USP35: variants seen among roughly 807,000 people sequenced by gnomAD.
The protein encoded by USP35 is ubiquitin specific peptidase 35, also known as ubiquitin carboxyl-terminal hydrolase 35.
In USP35, 69 loss-of-function variants were observed where a neutral mutation model predicts 83.8. The observed-to-expected ratio is 0.82, with a 90% CI of 0.68 to 1.01. The LOEUF (loss-of-function observed/expected upper bound fraction) is 1.01, where lower values mean the gene tolerates loss of function less well. Among genes scored for constraint, USP35 ranks in the 50% least tolerant of loss-of-function variants. The pLI is 0.00. For synonymous variants in USP35, 714 were observed against 589.5 expected (o/e 1.21, Z -3.06); for missense variants, 1,503 against 1,362.5 (o/e 1.10, Z -1.62).
chr11:78,200,112 T>C (rs1565396580), intron 4 of USP35, 21 bp from the exon 5 acceptor site: 9 of 1,614,034 alleles, frequency 5.6e-6, no homozygotes, highest in Non-Finnish European at 7.6e-6. Flanking sequence ...TGGGGACTCC[T>C]GACCAGGGAC....
intron 6 of USP35, among the ~76,000 whole-genome samples, chr11:78,202,193 A>C (rs770855115): frequency 6.6e-6 from 1 of 152,202 alleles, no homozygotes; most frequent in Non-Finnish European, 1.5e-5. Context: ...GTTGGTAGGG[A>C]CAGGAGGTCA....
intron 1 of USP35, among the ~76,000 whole-genome samples, chr11:78,189,390 A>G (rs1862932174): frequency 6.6e-6 from 1 of 152,146 alleles, no homozygotes; most frequent in African/African-American, 2.4e-5. Flanking sequence ...CCTTTCAGGT[A>G]AGAGGGCATT....
At position 78,210,145 on chromosome 11, in the gene USP35, C is replaced by G. The variant is rs375971115; in HGVS notation, c.2290C>G (p.Leu764Val). The G allele has an allele frequency of 2.5e-6, 4 of 1,613,522 alleles. No homozygotes were observed. The highest frequency in any genetic ancestry group is 1.3e-5 in the African/African-American group (1 of 74,910). ...TGAGGGCTCCCGCTCCGTCCTGGAC[C>G]TGGTTAACTACTTCCTGTCCCCCGA... ...GSEGSRSVLD[L>V]VNYFLSPEKL... Residue 764 changes from leucine to valine, a missense_variant, in exon 10 of 11, where the codon CTG becomes GTG. Physicochemically the swap from Leu to Val is conservative, Grantham distance 32. Transcript: ENST00000529308.
At chr11:78,224,267 C>T in the USP35 span, among the ~76,000 whole-genome samples, 1 of 152,138 alleles carries the variant, frequency 6.6e-6, no homozygotes, top group African/African-American at 2.4e-5. Flanking sequence ...CTGTGGGTGG[C>T]ATAGTCCATA....
the USP35 span, among the ~76,000 whole-genome samples, chr11:78,234,108 T>A: frequency 6.6e-6 from 1 of 152,086 alleles, no homozygotes; most frequent in East Asian, 1.9e-4. Flanking sequence ...AAATACAGGG[T>A]CTTATTCTGT....
chr11:78,202,631 C>T (rs564736717), intron 6 of USP35, among the ~76,000 whole-genome samples: 3 of 152,192 alleles, frequency 2.0e-5, no homozygotes, highest in South Asian at 2.1e-4. Context: ...ACAAAACTTC[C>T]GTTATTTACT....
the USP35 span, chr11:78,223,740 A>G: frequency 7.3e-7 from 1 of 1,375,278 alleles, no homozygotes; most frequent in South Asian, 1.4e-5. Context: ...GAAGGGGGTA[A>G]GACTTTGTAA....
chr11:78,195,938 G>A (rs1863128928), intron 1 of USP35, among the ~76,000 whole-genome samples: 1 of 152,162 alleles, frequency 6.6e-6, no homozygotes, highest in African/African-American at 2.4e-5. Context: ...CTGTTGCTCA[G>A]GCTGGTCTTG....
the USP35 span, chr11:78,221,744 C>T: frequency 1.3e-5 from 21 of 1,613,412 alleles, no homozygotes; most frequent in Admixed American, 3.3e-5. Context: ...GGAGATGGGG[C>T]GGCAGTACTG....
chr11:78,234,651 T>C, the USP35 span, among the ~76,000 whole-genome samples: 2 of 150,062 alleles, frequency 1.3e-5, no homozygotes, highest in Admixed American at 1.3e-4. Context: ...TATGTATTTA[T>C]ATATATTTCT....
intron 10 of USP35, 112 bp downstream of exon 10, chr11:78,210,856 A>G: frequency 1.7e-6 from 2 of 1,193,352 alleles, no homozygotes; most frequent in Non-Finnish European, 2.3e-6. Context: ...AATCCCATTC[A>G]TCTGTTGCTC....
the USP35 span, chr11:78,223,786 C>G: frequency 1.1e-6 from 1 of 927,832 alleles, no homozygotes; most frequent in Non-Finnish European, 1.6e-6. Flanking sequence ...GTTAGCTATA[C>G]TTTGAAGCTG....
intron 1 of USP35, among the ~76,000 whole-genome samples, chr11:78,193,683 G>A (rs554201574): frequency 1.3e-5 from 2 of 152,300 alleles, no homozygotes; most frequent in South Asian, 2.1e-4. Context: ...AGCTCAGAGA[G>A]CCTAAGTAAC....
At chr11:78,220,527 A>G in the USP35 span, 1 of 1,243,388 alleles carries the variant, frequency 8.0e-7, no homozygotes. Context: ...GGGAGTAAGA[A>G]CACTGTTTCC....
In USP35 at chr11:78,208,865, C is replaced by T; in HGVS notation, c.1494C>T (p.Ala498=). ...CGCCTGCCTTGTCCTAGCGGCCTGC[C>T]ATTTCCCCAGAGAACTTCCTCTCCG... is the stretch of plus-strand genomic sequence containing the variant. ...FGFLEHSQRP[A]ISPENFLSAS... is the part of the protein sequence containing the mutation. The change falls in exon 9 of 11, where the codon GCC becomes GCT. Residue 498 remains alanine, a synonymous_variant. Transcript: ENST00000529308. 1 of 1,614,200 alleles carries T rather than the reference C, an allele frequency of 6.2e-7. No homozygotes were observed. The highest frequency in any genetic ancestry group is 8.5e-7 in the Non-Finnish European group (1 of 1,180,026).
intron 4 of USP35, 21 bp downstream of exon 4, chr11:78,199,745 C>G (rs987228149): frequency 1.9e-6 from 3 of 1,614,102 alleles, no homozygotes; most frequent in Non-Finnish European, 1.7e-6. Context: ...CTGTCCTAGC[C>G]CAGAGTTACA....
In USP35 at chr11:78,196,416, G is replaced by T; in HGVS notation, c.171G>T (p.Pro57=). 7.7e-7 allele frequency: 1 copy of T among 1,300,622 alleles called. No homozygotes were observed. The highest frequency in any genetic ancestry group is 2.0e-5 in the South Asian group (1 of 50,312). 80.6% of individuals were successfully genotyped at this position (1,300,622 alleles called of 1,614,324 possible). A position where few individuals can be genotyped will look rare whatever the true frequency, so the allele number is the denominator to read the frequency against. Residue 57 remains proline (P), a synonymous_variant, in exon 2 of 11, where the codon CCG becomes CCT. Transcript: ENST00000529308. This position sits in a 1 kb window ranked among gnomAD's most constrained non-coding sequence, Gnocchi z 4.8. The part of the protein sequence containing the change: ...RLYVGGAEEL[P]RRVGCQLLHV... ...ACGTGGGCGGCGCGGAGGAGCTGCC[G>T]CGCCGCGTGGGCTGCCAGCTGCTGC...
chr11:78,200,514 T>C, intron 5 of USP35, 136 bp from the exon 6 acceptor site: 1 of 1,306,008 alleles, frequency 7.7e-7, no homozygotes, highest in South Asian at 1.5e-5. Flanking sequence ...CAGAGCCCCA[T>C]CTGGGTCAGG....
chr11:78,204,409 G>A (rs1863471762), intron 6 of USP35, among the ~76,000 whole-genome samples: 1 of 152,200 alleles, frequency 6.6e-6, no homozygotes, highest in Non-Finnish European at 1.5e-5. Context: ...TCAGGTTGTG[G>A]CGGTTTCTTT....
Sources: gnomAD v4.1 joint callset for allele counts (sites outside exome capture counted in the v4.1 genomes callset) on GRCh38, gnomAD v4.1.1 for gene constraint, Gnocchi (gnomAD v3.1) non-coding constraint, MANE v1.5 for transcripts, NCBI Gene and HGNC (gene_info 2026-07-23, HGNC 2026-07-21) for gene names.